KSR2: variants seen among roughly 807,000 people sequenced by gnomAD.
KSR2 encodes the protein kinase suppressor of ras 2.
Under a neutral mutation model 107.8 loss-of-function variants are expected in KSR2, and 25 were observed. The observed-to-expected ratio is 0.23, with a 90% CI of 0.17 to 0.32. KSR2 has a LOEUF of 0.32. Ranked by LOEUF, KSR2 falls within the 10% of genes least tolerant of loss-of-function variation. The probability of loss-of-function intolerance (pLI) is 1.00; values close to 1 mark genes in which losing one functional copy is unlikely to be tolerated. For synonymous variants in KSR2, 480 were observed against 507.0 expected (o/e 0.95, Z 0.71); for missense variants, 887 against 1,268.9 (o/e 0.70, Z 4.57).
intron 1 of KSR2, among the ~76,000 whole-genome samples, chr12:117,966,241 A>G (rs76720318): frequency 0.09 from 13,634 of 152,226 alleles, 780 homozygotes; most frequent in Middle Eastern, 0.15. Context: ...AGAAACTTAC[A>G]CAGGAATACA....
intron 5 of KSR2, among the ~76,000 whole-genome samples, chr12:117,652,272 G>T (rs1204079146): frequency 1.3e-5 from 2 of 152,054 alleles, no homozygotes; most frequent in African/African-American, 4.8e-5. Context: ...ACTTACTCAT[G>T]TAACCAAATA....
intron 5 of KSR2, among the ~76,000 whole-genome samples, chr12:117,595,658 C>T (rs919392690): frequency 3.9e-5 from 6 of 152,206 alleles, no homozygotes; most frequent in Admixed American, 2.0e-4. Flanking sequence ...CCACCGCGCC[C>T]GGCCCTGCTA....
intron 4 of KSR2, among the ~76,000 whole-genome samples, chr12:117,676,541 A>G (rs1885128813): frequency 6.6e-6 from 1 of 152,174 alleles, no homozygotes; most frequent in Non-Finnish European, 1.5e-5. Context: ...AAAGGAAGAG[A>G]AAAGGAAGAA....
In KSR2 at chr12:117,842,856, G is replaced by T. The variant is rs1402185192; in HGVS notation, c.472+12572C>A. ...GGTGGATGAAGCCTTGGACCAGGTT[G>T]CTCGACAGGGGTTCTGCTGCAAGAC... On this transcript the variant is annotated intron_variant, in intron 3 of 19. Transcript: ENST00000339824. This position sits in a 1 kb window ranked among gnomAD's most constrained non-coding sequence, Gnocchi z 4.2. Among the ~76,000 whole-genome samples, 1 of 152,106 alleles carries T rather than the reference G, an allele frequency of 6.6e-6. No homozygotes were observed. Among genetic ancestry groups the T allele is most frequent in the African/African-American group, 2.4e-5 (1 of 41,422 alleles).
intron 4 of KSR2, among the ~76,000 whole-genome samples, chr12:117,694,412 C>T (rs896827277): frequency 6.6e-6 from 1 of 152,174 alleles, no homozygotes; most frequent in Non-Finnish European, 1.5e-5. Context: ...CTTTGTCTTC[C>T]ACCATGCTTG....
intron 7 of KSR2, among the ~76,000 whole-genome samples, chr12:117,561,921 G>A (rs1272212674): frequency 6.6e-6 from 1 of 152,178 alleles, no homozygotes; most frequent in Non-Finnish European, 1.5e-5. Flanking sequence ...AGTTTGGCCT[G>A]GAGTGCCCCA....
intron 5 of KSR2, among the ~76,000 whole-genome samples, chr12:117,646,387 G>A (rs1435759785): frequency 6.6e-6 from 1 of 152,094 alleles, no homozygotes; most frequent in Non-Finnish European, 1.5e-5. Flanking sequence ...GCAGCTCTGC[G>A]AGGCCGGGAA....
chr12:117,715,751 A>G (rs1303107988), intron 4 of KSR2, among the ~76,000 whole-genome samples: 1 of 152,204 alleles, frequency 6.6e-6, no homozygotes, highest in Non-Finnish European at 1.5e-5. Context: ...CTGCCTGTCC[A>G]TAACTCTATC....
At chr12:117,771,924 T>C (rs1324751651) in intron 3 of KSR2, among the ~76,000 whole-genome samples, 12 of 127,792 alleles carry the variant, frequency 9.4e-5, no homozygotes, top group Admixed American at 3.2e-4. Flanking sequence ...CCCCCAAAGA[T>C]GCACACACAC....
At chr12:117,539,427 CAG>C (rs568122587) in intron 10 of KSR2, 16 of 362,764 alleles carry the variant, frequency 4.4e-5, no homozygotes, top group African/African-American at 8.4e-5. Context: ...CGCCAAAAGA[CAG>C]AGTCTCTAAG....
At chr12:117,536,856 G>A (rs537873150) in intron 10 of KSR2, among the ~76,000 whole-genome samples, 2 of 152,338 alleles carry the variant, frequency 1.3e-5, no homozygotes, top group South Asian at 4.1e-4. Context: ...TTGCACCCTA[G>A]TGCAAGCGTT....
intron 5 of KSR2, among the ~76,000 whole-genome samples, chr12:117,660,285 A>G (rs1306096613): frequency 6.6e-6 from 1 of 152,136 alleles, no homozygotes; most frequent in African/African-American, 2.4e-5. Context: ...TTATTCTCTC[A>G]CTGTTCTAGA....
chr12:117,613,689 C>T (rs942402425), intron 5 of KSR2, among the ~76,000 whole-genome samples: 2 of 152,216 alleles, frequency 1.3e-5, no homozygotes, highest in Non-Finnish European at 2.9e-5. Flanking sequence ...CTCCCTTCCT[C>T]TCTTCAATGG....
chr12:117,879,524 G>A (rs927291640), intron 1 of KSR2, among the ~76,000 whole-genome samples: 2 of 152,122 alleles, frequency 1.3e-5, no homozygotes, highest in East Asian at 3.9e-4. Flanking sequence ...ATATCTGCCT[G>A]GGCAACGTGG....
At chr12:117,527,308 C>G (rs573554489) in intron 12 of KSR2, among the ~76,000 whole-genome samples, 189 bp from the exon 13 acceptor site, 5 of 137,650 alleles carry the variant, frequency 3.6e-5, no homozygotes, top group African/African-American at 1.3e-4. Context: ...CACAGACACA[C>G]ACACACACAC....
intron 1 of KSR2, among the ~76,000 whole-genome samples, chr12:117,963,160 A>C (rs1010102583): frequency 6.6e-6 from 1 of 151,840 alleles, no homozygotes; most frequent in Non-Finnish European, 1.5e-5. Context: ...ACTGCACTCC[A>C]GCCTGAGCAA....
At chr12:117,646,075 TGA>T (rs1488881257) in intron 5 of KSR2, among the ~76,000 whole-genome samples, 2 of 152,190 alleles carry the variant, frequency 1.3e-5, no homozygotes, top group Non-Finnish European at 2.9e-5. Flanking sequence ...ACATTACTTA[TGA>T]TACCTAATAC....
intron 3 of KSR2, among the ~76,000 whole-genome samples, chr12:117,838,384 G>A (rs985080284): frequency 1.3e-5 from 2 of 152,134 alleles, no homozygotes; most frequent in Admixed American, 1.3e-4. Context: ...AGCCAGACTG[G>A]TCTCGAACTC....
In KSR2 at chr12:117,665,500, A is replaced by T. The variant is rs373792956; in HGVS notation, c.1171+1974T>A. On this transcript the variant is annotated intron_variant, in intron 5 of 19. Transcript: ENST00000339824. ...CCAAGGACAGATGGCTGTTAGAGGC[A>T]GTCACCCAGAGTCATGCCAAGGTAA... 5.3e-5 allele frequency among the ~76,000 whole-genome samples: 8 copies of T among 152,316 alleles called. No homozygotes were observed. The East Asian group carries it at 1.5e-3, about 29-fold the overall frequency.
Sources: allele counts gnomAD v4.1 joint callset (sites outside exome capture counted in the v4.1 genomes callset), GRCh38; gene constraint gnomAD v4.1.1; non-coding constraint Gnocchi (gnomAD v3.1); transcripts MANE v1.5; gene names NCBI Gene and HGNC (gene_info 2026-07-23, HGNC 2026-07-21).